The following GALNT2 variants were observed in gnomAD, a reference collection of about 807,000 sequenced individuals.
GALNT2 encodes the protein UDP-GalNAc:polypeptide N-acetylgalactosaminyltransferase 2.
A neutral mutation model predicts 81.4 loss-of-function variants in GALNT2; 31 were observed. The ratio of observed to expected loss-of-function variants is 0.38; its 90% CI spans 0.29 to 0.51. The LOEUF is 0.51. Ranked by LOEUF, GALNT2 falls within the 20% of genes least tolerant of loss-of-function variation. GALNT2 has a pLI of 0.87. For synonymous variants in GALNT2, 303 were observed against 287.4 expected (o/e 1.05, Z -0.55); for missense variants, 629 against 765.7 (o/e 0.82, Z 2.11).
At chr1:230,197,117 C>T (rs1317572730) in intron 2 of GALNT2, among the ~76,000 whole-genome samples, 1 of 152,124 alleles carries the variant, frequency 6.6e-6, no homozygotes, top group Middle Eastern at 3.2e-3. Context: ...CCACACTCCA[C>T]CTGACATGGG....
rs1229327197 is a variant in GALNT2 at position 230,265,326 on chromosome 1, G to A, written c.1399G>A (p.Val467Met). ...CACTTTGGGACACTTTGCTGATGGT[G>A]TGGTTGGAGTTTATGAATGTCACAA... ...LDTLGHFADG[V>M]VGVYECHNAG... The change falls in exon 14 of 16, where the codon GTG becomes ATG. Residue 467 changes from valine (V) to methionine (M), a missense_variant. This residue lies in a region of GALNT2 where 207 missense variants were observed against 225.5 expected (regional missense o/e 0.92). Transcript: ENST00000366672. 9 of 1,614,254 alleles carry A rather than the reference G, an allele frequency of 5.6e-6. No homozygotes were observed. The highest frequency in any genetic ancestry group is 1.6e-4 in the Middle Eastern group (1 of 6,062).
At chr1:230,140,436 C>T (rs1055729096) in intron 1 of GALNT2, among the ~76,000 whole-genome samples, 1 of 152,226 alleles carries the variant, frequency 6.6e-6, no homozygotes, top group Admixed American at 6.5e-5. Flanking sequence ...GACAGCAGTG[C>T]CTAGGTGACA....
At chr1:230,273,719 T>C (rs1172152555) in intron 14 of GALNT2, among the ~76,000 whole-genome samples, 2 of 152,216 alleles carry the variant, frequency 1.3e-5, no homozygotes, top group African/African-American at 4.8e-5. Flanking sequence ...TGGTGTGTTA[T>C]TTAAACACTC....
chr1:230,074,357 G>A (rs555466500), intron 1 of GALNT2, among the ~76,000 whole-genome samples: 5 of 152,328 alleles, frequency 3.3e-5, no homozygotes, highest in South Asian at 2.1e-4. Context: ...GGGATTCCAG[G>A]TGTGAGCGAC....
chr1:230,148,308 A>C (rs1661986112), intron 1 of GALNT2, among the ~76,000 whole-genome samples: 1 of 152,260 alleles, frequency 6.6e-6, no homozygotes, highest in Non-Finnish European at 1.5e-5. Flanking sequence ...AGCTGAAGCC[A>C]GAAACCTGAT....
intron 1 of GALNT2, among the ~76,000 whole-genome samples, chr1:230,128,677 C>T (rs1661272013): frequency 6.6e-6 from 1 of 152,164 alleles, no homozygotes; most frequent in African/African-American, 2.4e-5. Context: ...AAGCTAGTCT[C>T]TCCTGAGTGT....
intron 1 of GALNT2, among the ~76,000 whole-genome samples, chr1:230,123,493 A>G (rs577736084): frequency 3.8e-4 from 58 of 152,294 alleles, no homozygotes; most frequent in African/African-American, 1.3e-3. Context: ...ACTGACGTAT[A>G]CTGGTTGTGT....
At chr1:230,088,832 C>T (rs565894504) in intron 1 of GALNT2, among the ~76,000 whole-genome samples, 107 of 152,210 alleles carry the variant, frequency 7.0e-4, no homozygotes, top group African/African-American at 2.4e-3. Flanking sequence ...CCACCGCGCC[C>T]GGCCACTTCT....
chr1:230,058,473 C>T (rs72758252), intron 1 of GALNT2, among the ~76,000 whole-genome samples: 2,196 of 152,302 alleles, frequency 0.014, 15 homozygotes, highest in Middle Eastern at 0.041. Context: ...TTTCCCCCAC[C>T]GGCAAGTGTG....
At chr1:230,132,583 A>G (rs184893563) in intron 1 of GALNT2, among the ~76,000 whole-genome samples, 2 of 152,304 alleles carry the variant, frequency 1.3e-5, no homozygotes, top group Admixed American at 6.5e-5. Flanking sequence ...TGTACTAGAG[A>G]GGTGACATGC....
At chr1:230,089,878 G>A (rs978221162) in intron 1 of GALNT2, among the ~76,000 whole-genome samples, 4 of 152,122 alleles carry the variant, frequency 2.6e-5, no homozygotes, top group African/African-American at 7.2e-5. Flanking sequence ...TTCCCTTCGA[G>A]ACCCTGCTTT....
intron 1 of GALNT2, among the ~76,000 whole-genome samples, chr1:230,144,668 G>A (rs907401576): frequency 5.3e-5 from 8 of 152,030 alleles, no homozygotes; most frequent in African/African-American, 1.9e-4. Flanking sequence ...GGGAGTTAGG[G>A]GTGGTAGTGG....
chr1:230,164,130 G>T (rs925832676), intron 1 of GALNT2, among the ~76,000 whole-genome samples: 3 of 152,206 alleles, frequency 2.0e-5, no homozygotes, highest in Non-Finnish European at 4.4e-5. Flanking sequence ...TCGCACACGT[G>T]TAGCTCCTCT....
chr1:230,247,348 C>T (rs959351430), intron 8 of GALNT2, among the ~76,000 whole-genome samples: 2 of 152,206 alleles, frequency 1.3e-5, no homozygotes, highest in Admixed American at 1.3e-4. Context: ...TTGCAGGCCC[C>T]GTCATCATGG....
At chr1:230,222,310 G>A (rs1664575680) in intron 3 of GALNT2, among the ~76,000 whole-genome samples, 1 of 152,068 alleles carries the variant, frequency 6.6e-6, no homozygotes, top group African/African-American at 2.4e-5. Flanking sequence ...ATGCATTCAT[G>A]TCTGCCTGTT....
At chr1:230,174,655 G>A (rs1197335157) in intron 1 of GALNT2, among the ~76,000 whole-genome samples, 2 of 151,902 alleles carry the variant, frequency 1.3e-5, no homozygotes, top group African/African-American at 4.8e-5. Context: ...ACCTGTCTCC[G>A]CTCTGTCCCT....
intron 4 of GALNT2, 33 bp from the exon 5 acceptor site, chr1:230,236,320 A>T: frequency 2.5e-6 from 4 of 1,598,632 alleles, no homozygotes; most frequent in Non-Finnish European, 3.4e-6. Flanking sequence ...CCCCTAAAAG[A>T]CCTATAAACT....
intron 10 of GALNT2, among the ~76,000 whole-genome samples, chr1:230,252,046 G>T (rs1015054182): frequency 6.6e-5 from 10 of 152,176 alleles, no homozygotes; most frequent in Non-Finnish European, 1.2e-4. Flanking sequence ...GCCCAGGAAG[G>T]CTGGGGCATC....
At chr1:230,118,604 C>T (rs1427509183) in intron 1 of GALNT2, among the ~76,000 whole-genome samples, 1 of 152,220 alleles carries the variant, frequency 6.6e-6, no homozygotes, top group Non-Finnish European at 1.5e-5. Context: ...ATGGCTGGTT[C>T]CTTATCTCCC....
Sources: gnomAD v4.1 joint callset for allele counts (sites outside exome capture counted in the v4.1 genomes callset) on GRCh38, gnomAD v4.1.1 for gene constraint, gnomAD v4.1.1 regional missense constraint, MANE v1.5 for transcripts, NCBI Gene and HGNC (gene_info 2026-07-23, HGNC 2026-07-21) for gene names.